The following GNG7 variants were observed in gnomAD, a reference collection of about 807,000 sequenced individuals.
The protein encoded by GNG7 is G protein subunit gamma 7, also known as guanine nucleotide-binding protein G(I)/G(S)/G(O) subunit gamma-7.
GNG7 carries 1 observed loss-of-function variant against 4.0 expected under a neutral mutation model. The ratio of observed to expected loss-of-function variants is 0.25; its 90% CI spans 0.09 to 1.18. The LOEUF (loss-of-function observed/expected upper bound fraction) is 1.18. Among genes scored for constraint, GNG7 ranks in the 50% most tolerant of loss-of-function variants. GNG7 has a pLI of 0.50. For synonymous variants in GNG7, 34 were observed against 36.9 expected, an observed-to-expected ratio of 0.92 and a Z score of 0.29; for missense variants, 86 against 91.9, an observed-to-expected ratio of 0.94 and a Z score of 0.26.
rs2144722206 is a variant in GNG7, at chr19:2,514,805, T to C, written c.*217A>G. The C allele has an allele frequency of 2.2e-6, 1 of 451,372 alleles. No individual in the cohort carries two copies. The highest frequency in any genetic ancestry group is 4.0e-6 in the Non-Finnish European group (1 of 249,512). 28.0% of individuals were successfully genotyped at this position (451,372 alleles called of 1,614,324 possible). A position where few individuals can be genotyped will look rare whatever the true frequency, so the allele number is the denominator to read the frequency against. ...GGGCCATGGGGTCGGACCTGAAAAT[T>C]CATCTCCACCTACAAGGTCCATTCT... On this transcript the variant is annotated 3_prime_UTR_variant, in exon 5 of 5. Transcript: ENST00000382159.
intron 1 of GNG7, among the ~76,000 whole-genome samples, chr19:2,671,084 T>C (rs1490496903): frequency 1.3e-5 from 2 of 150,876 alleles, no homozygotes; most frequent in African/African-American, 2.4e-5. Flanking sequence ...CTCTCCCCCT[T>C]GGAATTCAAG....
chr19:2,553,941 A>G (rs1979461667), intron 3 of GNG7, among the ~76,000 whole-genome samples: 1 of 144,022 alleles, frequency 6.9e-6, no homozygotes, highest in Non-Finnish European at 1.5e-5. Flanking sequence ...TGTATGTAAT[A>G]TATTATATGT....
chr19:2,655,355 A>C (rs1184344694), intron 1 of GNG7, among the ~76,000 whole-genome samples: 1 of 152,134 alleles, frequency 6.6e-6, no homozygotes, highest in Non-Finnish European at 1.5e-5. Context: ...AGGAAATGCA[A>C]ATTAAAACCA....
At chr19:2,540,001 T>C (rs931249707) in intron 3 of GNG7, among the ~76,000 whole-genome samples, 5 of 145,266 alleles carry the variant, frequency 3.4e-5, no homozygotes, top group African/African-American at 1.0e-4. Flanking sequence ...CCTTCCTTTT[T>C]TCTTTCTTCT....
chr19:2,568,883 CAT>C (rs1313764603), intron 2 of GNG7, among the ~76,000 whole-genome samples: 5 of 152,050 alleles, frequency 3.3e-5, no homozygotes, highest in Non-Finnish European at 5.9e-5. Context: ...CACACATACT[CAT>C]GTGCACACAC....
chr19:2,572,980 G>GCATA (rs1300183514), intron 2 of GNG7, among the ~76,000 whole-genome samples: 1 of 148,106 alleles, frequency 6.8e-6, no homozygotes, highest in African/African-American at 2.5e-5. Context: ...ACACATCCAT[G>GCATA]CATATTCTCT....
At chr19:2,563,999 G>A (rs1979824996) in intron 2 of GNG7, among the ~76,000 whole-genome samples, 1 of 152,156 alleles carries the variant, frequency 6.6e-6, no homozygotes, top group Non-Finnish European at 1.5e-5. Flanking sequence ...GGGAGAAACA[G>A]CAGGGAAAAA....
chr19:2,674,313 A>C (rs1983539332), intron 1 of GNG7, among the ~76,000 whole-genome samples: 1 of 152,234 alleles, frequency 6.6e-6, no homozygotes, highest in African/African-American at 2.4e-5. Flanking sequence ...ATGGAAATAC[A>C]CACAATTGTA....
At chr19:2,536,965 G>A (rs998348778) in intron 3 of GNG7, among the ~76,000 whole-genome samples, 4 of 118,980 alleles carry the variant, frequency 3.4e-5, no homozygotes, top group African/African-American at 1.3e-4. Context: ...TTTTTTTTTT[G>A]AGACGGAGTC....
At chr19:2,660,940 G>C (rs974842822) in intron 1 of GNG7, among the ~76,000 whole-genome samples, 1 of 151,300 alleles carries the variant, frequency 6.6e-6, no homozygotes, top group Admixed American at 6.6e-5. Flanking sequence ...GGCCGGGCAC[G>C]TTGGCTCACA....
At chr19:2,553,030 G>A (rs1979384153) in intron 3 of GNG7, among the ~76,000 whole-genome samples, 1 of 149,764 alleles carries the variant, frequency 6.7e-6, no homozygotes, top group African/African-American at 2.5e-5. Context: ...AGACAGAGAT[G>A]AGAAAAACTG....
At chr19:2,632,386 G>T (rs960461594) in intron 2 of GNG7, among the ~76,000 whole-genome samples, 1 of 149,498 alleles carries the variant, frequency 6.7e-6, no homozygotes. Context: ...CCGAGATTAT[G>T]CTATTGCATT....
At position 2,581,012 on chromosome 19, in the gene GNG7, G is replaced by A. The variant is rs527511839; in HGVS notation, c.-77-25824C>T. ...ACTCCCGATCCTAGATGCTCCACCC[G>A]CCTCAGCCTCCCAGAGTGTTGGGAT... On this transcript the variant is annotated intron_variant, in intron 2 of 4. Coordinates refer to ENST00000382159, the MANE Select transcript of GNG7 (RefSeq NM_052847.3). Among the ~76,000 whole-genome samples, 53 of 152,096 alleles carry A rather than the reference G, an allele frequency of 3.5e-4. No individual in the cohort carries two copies. The South Asian group carries it at 8.3e-3, about 24-fold the overall frequency.
chr19:2,575,045 A>G (rs1205693621), intron 2 of GNG7, among the ~76,000 whole-genome samples: 1 of 150,266 alleles, frequency 6.7e-6, no homozygotes, highest in African/African-American at 2.5e-5. Context: ...GCTGGTTGGA[A>G]TCTCTCTTTC....
At chr19:2,666,145 CTTATG>C (rs1983304747) in intron 1 of GNG7, among the ~76,000 whole-genome samples, 8 of 151,238 alleles carry the variant, frequency 5.3e-5, no homozygotes, top group Admixed American at 5.3e-4. Flanking sequence ...CCGTGCCCGG[CTTATG>C]TTTTAATTTT....
chr19:2,515,909 A>T (rs1348853508), intron 4 of GNG7, among the ~76,000 whole-genome samples: 1 of 151,438 alleles, frequency 6.6e-6, no homozygotes, highest in Non-Finnish European at 1.5e-5. Flanking sequence ...AAATATCACT[A>T]GTGGTAAACT....
In GNG7 at chr19:2,643,653, A is replaced by G. The variant is rs8102039; in HGVS notation, c.-78+2571T>C. ...CCTCTCCGGGCTCTGCACACCTTCC[A>G]GCCCTGCGCCTCCTTTTTCGGGCTG... On this transcript the variant is annotated intron_variant, in intron 2 of 4. Coordinates refer to ENST00000382159, the MANE Select transcript of GNG7 (RefSeq NM_052847.3). The G allele has an allele frequency of 4.8e-3, 2,186 of 454,836 alleles. 11 individuals are homozygous for G. Among genetic ancestry groups the G allele is most frequent in the Non-Finnish European group, 6.9e-3 (1,561 of 226,272 alleles). The allele number at this position is 454,836 out of a possible 1,614,324, so 28.2% of individuals were successfully genotyped here.
At position 2,653,995 on chromosome 19, in the gene GNG7, C is replaced by G. The variant is rs564634348; in HGVS notation, c.-134-7715G>C. The stretch of plus-strand genomic sequence containing the variant: ...CACCCTGGGCCCCCCACCGCCGGGT[C>G]TGGGACACAGATGCTCTCCTCCAAA... On this transcript the variant is annotated intron_variant, in intron 1 of 4. Transcript: ENST00000382159. The surrounding 1 kb of genome is among the most constrained non-coding windows in gnomAD (Gnocchi z 4.8). 6.6e-6 allele frequency among the ~76,000 whole-genome samples: 1 copy of G among 152,328 alleles called. No homozygotes were observed. Among genetic ancestry groups the G allele is most frequent in the East Asian group, 1.9e-4 (1 of 5,172 alleles).
chr19:2,642,620 G>GC (rs937672572), intron 2 of GNG7: 6 of 365,136 alleles, frequency 1.6e-5, no homozygotes, highest in African/African-American at 6.4e-5. Flanking sequence ...CCCCACTTCA[G>GC]CCCCCCACTA....
Sources: gnomAD v4.1 joint callset for allele counts (sites outside exome capture counted in the v4.1 genomes callset) on GRCh38, gnomAD v4.1.1 for gene constraint, Gnocchi (gnomAD v3.1) non-coding constraint, MANE v1.5 for transcripts, NCBI Gene and HGNC (gene_info 2026-07-23, HGNC 2026-07-21) for gene names.